The following ABCB4 variants were observed in gnomAD, a reference collection of about 807,000 sequenced individuals.
ABCB4 encodes phosphatidylcholine translocator ABCB4.
A neutral mutation model predicts 145.7 loss-of-function variants in ABCB4; 76 were observed. The ratio of observed to expected loss-of-function variants is 0.52; its 90% CI spans 0.43 to 0.63. The LOEUF is 0.63. ABCB4 is among the 30% of genes least tolerant of loss of function. The pLI is 0.00. For synonymous variants in ABCB4, 517 were observed against 566.8 expected (o/e 0.91, Z 1.25); for missense variants, 1,234 against 1,553.1 (o/e 0.79, Z 3.45).
At chr7:87,413,529 A>T in intron 22 of ABCB4, 88 bp downstream of exon 22, 2 of 882,940 alleles carry the variant, frequency 2.3e-6, no homozygotes, top group Non-Finnish European at 3.8e-6. Context: ...CATTGTTTGG[A>T]GCAGCAGAGC....
intron 8 of ABCB4, among the ~76,000 whole-genome samples, chr7:87,447,606 TA>T (rs1241923665): frequency 6.6e-6 from 1 of 152,202 alleles, no homozygotes; most frequent in Non-Finnish European, 1.5e-5. Context: ...CATAAACAGT[TA>T]GATTCTTAAC....
At chr7:87,464,279 C>T (rs1812700630) in intron 3 of ABCB4, among the ~76,000 whole-genome samples, 1 of 152,168 alleles carries the variant, frequency 6.6e-6, no homozygotes, top group South Asian at 2.1e-4. Flanking sequence ...GGGACAGGGA[C>T]AAACTCCATC....
chr7:87,424,111 A>G, intron 16 of ABCB4, 59 bp from the exon 17 acceptor site: 1 of 1,611,804 alleles, frequency 6.2e-7, no homozygotes, highest in South Asian at 1.1e-5. Flanking sequence ...CAGAGTCTGT[A>G]GACATAGAAA....
rs1286963426 is a variant in ABCB4 at position 87,422,916 on chromosome 7, A to C, written c.2212-691T>G. On this transcript the variant is annotated intron_variant, in intron 17 of 27. Coordinates refer to ENST00000649586, the MANE Select transcript of ABCB4 (RefSeq NM_000443.4). ...GCACAACTTGGTTTATTTGTGTACC[A>C]CTGTATCTCCAGTGCCTGGAGCAGC... Among the ~76,000 whole-genome samples, 8 of 152,242 alleles carry C rather than the reference A, an allele frequency of 5.3e-5. No individual in the cohort carries two copies. In the East Asian group the frequency reaches 1.5e-3, roughly 29 times the overall value.
intron 4 of ABCB4, 149 bp downstream of exon 4, chr7:87,462,609 G>A (rs1282724631): frequency 8.1e-6 from 6 of 738,278 alleles, no homozygotes; most frequent in Non-Finnish European, 1.4e-5. Flanking sequence ...AATTTTCTGA[G>A]AATTTTACAA....
At chr7:87,418,684 A>AG in intron 19 of ABCB4, 64 bp from the exon 20 acceptor site, 1 of 1,483,146 alleles carries the variant, frequency 6.7e-7, no homozygotes, top group Non-Finnish European at 9.4e-7. Context: ...AACCAGACAA[A>AG]GCCTCCCAAA....
chr7:87,397,249 C>T (rs764156764), downstream of ABCB4, among the ~76,000 whole-genome samples: 1 of 151,946 alleles, frequency 6.6e-6, no homozygotes, highest in Non-Finnish European at 1.5e-5. Context: ...TACTTGGGAA[C>T]CTGAGGCACG....
At chr7:87,428,773 TA>T (rs1409800874) in intron 15 of ABCB4, among the ~76,000 whole-genome samples, 3 of 152,198 alleles carry the variant, frequency 2.0e-5, no homozygotes, top group African/African-American at 7.2e-5. Flanking sequence ...CTCAATCTTA[TA>T]AATAGTTAAA....
chr7:87,443,467 G>C (rs1374653025), intron 11 of ABCB4, 23 bp from the exon 12 acceptor site: 1 of 1,613,378 alleles, frequency 6.2e-7, no homozygotes, highest in Non-Finnish European at 8.5e-7. Context: ...TGAGAAAAAA[G>C]AACACACTTC....
intron 8 of ABCB4, 43 bp from the exon 9 acceptor site, chr7:87,447,248 C>T (rs375273714): frequency 7.4e-5 from 117 of 1,585,132 alleles, no homozygotes; most frequent in Admixed American, 1.7e-4. Flanking sequence ...TTAAGAATAA[C>T]AATCCATAGT....
At chr7:87,440,427 TAAGTA>T in intron 12 of ABCB4, 25 bp from the exon 13 acceptor site, 1 of 1,598,426 alleles carries the variant, frequency 6.3e-7, no homozygotes, top group Non-Finnish European at 8.6e-7. Flanking sequence ...TATTTCCTAT[TAAGTA>T]TTTAACCATT....
chr7:87,375,867 G>A, the ABCB4 span: 1 of 1,613,362 alleles, frequency 6.2e-7, no homozygotes, highest in Non-Finnish European at 8.5e-7. Flanking sequence ...AGAGAACTTG[G>A]CTTTGTTAGA....
chr7:87,390,202 C>A, the ABCB4 span, among the ~76,000 whole-genome samples: 1 of 152,068 alleles, frequency 6.6e-6, no homozygotes, highest in Non-Finnish European at 1.5e-5. Flanking sequence ...TTATGTTTTA[C>A]AATAATAAAT....
the ABCB4 span, chr7:87,382,367 C>T: frequency 6.3e-7 from 1 of 1,593,956 alleles, no homozygotes; most frequent in African/African-American, 1.3e-5. Flanking sequence ...TTGGTGTATT[C>T]TCCTTAGGTG....
chr7:87,399,754 T>C (rs561844438), downstream of ABCB4: 5 of 152,252 alleles, frequency 3.3e-5, no homozygotes, highest in Admixed American at 6.5e-5. Context: ...CAAAATTATA[T>C]AGCTTTTTGT....
At chr7:87,461,096 C>G (rs936937416) in intron 4 of ABCB4, among the ~76,000 whole-genome samples, 7 of 152,114 alleles carry the variant, frequency 4.6e-5, no homozygotes, top group African/African-American at 9.7e-5. Context: ...CAGGCATGAG[C>G]CACCATGCCT....
At chr7:87,392,656 A>T in the ABCB4 span, 2 of 1,611,690 alleles carry the variant, frequency 1.2e-6, no homozygotes, top group Non-Finnish European at 1.7e-6. Context: ...TACTTAAGTT[A>T]AAATTTTTCT....
intron 20 of ABCB4, among the ~76,000 whole-genome samples, chr7:87,418,227 C>G (rs1161848967): frequency 3.9e-5 from 6 of 152,196 alleles, no homozygotes; most frequent in South Asian, 2.1e-4. Flanking sequence ...GGTGTGTGCT[C>G]TCTTTCACTG....
chr7:87,430,705 T>G (rs533494683), intron 15 of ABCB4, among the ~76,000 whole-genome samples: 2 of 152,046 alleles, frequency 1.3e-5, no homozygotes, highest in African/African-American at 4.8e-5. Context: ...TTTGTATTTT[T>G]AGTAGAGATG....
Sources: gnomAD v4.1 joint callset for allele counts (sites outside exome capture counted in the v4.1 genomes callset) on GRCh38, gnomAD v4.1.1 for gene constraint, MANE v1.5 for transcripts, NCBI Gene and HGNC (gene_info 2026-07-23, HGNC 2026-07-21) for gene names.